Variants in MREG observed in about 807,000 individuals in gnomAD.
The protein encoded by MREG is melanoregulin, also known as dilute suppressor protein homolog.
A neutral mutation model predicts 28.5 loss-of-function variants in MREG; 31 were observed. That is an observed-to-expected ratio of 1.09 (90% CI 0.82 to 1.47). MREG has a LOEUF of 1.47. Ranked by LOEUF, MREG falls within the 40% of genes most tolerant of loss-of-function variation. The probability of loss-of-function intolerance (pLI) is 0.00; values close to 1 mark genes in which losing one functional copy is unlikely to be tolerated. For synonymous variants in MREG, 106 were observed against 95.2 expected (o/e 1.11, Z -0.66); for missense variants, 256 against 257.4 (o/e 0.99, Z 0.04).
rs1421349232 is a variant in MREG at position 215,944,194 on chromosome 2, G to C, written c.*669C>G. On this transcript the variant is annotated 3_prime_UTR_variant, in exon 5 of 5. Coordinates refer to ENST00000263268, the MANE Select transcript of MREG (RefSeq NM_018000.3). ...AGGGTTTCACCATGTTGGTCAGGCTGGTCTTGAACTCCTGACCTCATGATC... is the reference window on the plus strand; with the variant it reads ...AGGGTTTCACCATGTTGGTCAGGCTCGTCTTGAACTCCTGACCTCATGATC... 2 of 151,894 alleles carry C rather than the reference G, an allele frequency of 1.3e-5. No individual in the cohort carries two copies. The highest frequency in any genetic ancestry group is 6.6e-5 in the Admixed American group (1 of 15,256). The allele number at this position is 151,894 out of a possible 1,614,324, so 9.4% of individuals were successfully genotyped here.
At chr2:215,995,945 C>T (rs1206134038) in intron 2 of MREG, among the ~76,000 whole-genome samples, 1 of 151,602 alleles carries the variant, frequency 6.6e-6, no homozygotes, top group Non-Finnish European at 1.5e-5. Flanking sequence ...AAGTACCCTT[C>T]AAACTTCAGT....
chr2:215,979,577 C>A (rs939839835), intron 2 of MREG, among the ~76,000 whole-genome samples: 1 of 151,762 alleles, frequency 6.6e-6, no homozygotes, highest in African/African-American at 2.4e-5. Context: ...CTTTCCTTCT[C>A]CACTTTATAG....
chr2:215,975,980 C>A (rs1334807272), intron 2 of MREG, among the ~76,000 whole-genome samples: 1 of 151,880 alleles, frequency 6.6e-6, no homozygotes, highest in African/African-American at 2.4e-5. Context: ...CAGCTACTCG[C>A]GGGGGGCGTG....
intron 1 of MREG, among the ~76,000 whole-genome samples, chr2:216,011,027 C>T (rs532132130): frequency 2.8e-5 from 4 of 144,452 alleles, no homozygotes; most frequent in Admixed American, 2.2e-4. Context: ...GCCTGGGAGG[C>T]GGAGCTTGCA....
At position 215,980,865 on chromosome 2, in the gene MREG, GAGGGC is replaced by G. The variant is rs1247891694; in HGVS notation, c.255+15436_255+15440del. 4.3e-3 allele frequency among the ~76,000 whole-genome samples: 610 copies of G among 141,072 alleles called. 5 individuals are homozygous for G. Among genetic ancestry groups the G allele is most frequent in the African/African-American group, 0.014 (555 of 38,890 alleles). 92.5% of individuals were successfully genotyped at this position (141,072 alleles called of 152,430 possible). On this transcript the variant is annotated intron_variant, in intron 2 of 4. Coordinates refer to ENST00000263268, the MANE Select transcript of MREG (RefSeq NM_018000.3). The stretch of plus-strand genomic sequence containing the variant: ...GAGAGGAGGGGAGGGGAGGGGAGGG[GAGGGC>G]AGGGCAGGGCAGGGCAGGACAGGGC...
upstream of MREG, chr2:216,033,029 G>A (rs1694734480): frequency 6.6e-6 from 1 of 152,162 alleles, no homozygotes; most frequent in African/African-American, 2.4e-5. Flanking sequence ...CATAATTCAT[G>A]AGGCCATTTT....
chr2:215,944,106 G>C lies in MREG; in HGVS notation c.*757C>G, dbSNP rs1454229465. ...GCGATTCTCCTACCTCAGCCTCCTG[G>C]GTAGCTGGGATTACAAGCGCGTGCC... is the stretch of plus-strand genomic sequence containing the variant. On this transcript the variant is annotated 3_prime_UTR_variant, in exon 5 of 5. Transcript: ENST00000263268. 1 of 149,658 alleles carries C rather than the reference G, an allele frequency of 6.7e-6. No individual in the cohort carries two copies. Among genetic ancestry groups the C allele is most frequent in the African/African-American group, 2.5e-5 (1 of 40,550 alleles). 9.3% of individuals were successfully genotyped at this position (149,658 alleles called of 1,614,324 possible).
At chr2:216,029,713 G>A (rs1000764124) in intron 1 of MREG, among the ~76,000 whole-genome samples, 2 of 152,220 alleles carry the variant, frequency 1.3e-5, no homozygotes, top group Non-Finnish European at 2.9e-5. Context: ...CTCCCAGCAT[G>A]GCTGAAAATG....
chr2:215,994,190 A>G (rs1254705860), intron 2 of MREG, among the ~76,000 whole-genome samples: 1 of 152,166 alleles, frequency 6.6e-6, no homozygotes, highest in African/African-American at 2.4e-5. Flanking sequence ...AGACTGCATA[A>G]AGAAAATGTG....
chr2:216,023,112 C>T (rs1462909645), intron 1 of MREG, among the ~76,000 whole-genome samples: 4 of 152,188 alleles, frequency 2.6e-5, no homozygotes, highest in Non-Finnish European at 5.9e-5. Context: ...CCCTGCAACT[C>T]TCCCGGACAA....
In MREG at chr2:215,943,970, C is replaced by CTTTTTTTT. The variant is rs869259776; in HGVS notation, c.*885_*892dup. The CTTTTTTTT allele has an allele frequency of 3.1e-5, 2 of 65,226 alleles. No individual in the cohort carries two copies. Among genetic ancestry groups the CTTTTTTTT allele is most frequent in the African/African-American group, 1.3e-4 (2 of 15,220 alleles). The allele number at this position is 65,226 out of a possible 1,614,324, so 4.0% of individuals were successfully genotyped here. On this transcript the variant is annotated 3_prime_UTR_variant, in exon 5 of 5. Transcript: ENST00000263268. ...AAGTACAACACATGAATACATAACT[C>CTTTTTTTT]TTTTTTTTTTTTTTTTTTTTTTTTT...
rs71982102 is a variant in MREG at position 215,974,825 on chromosome 2, GACACACAC to G, written c.255+21473_255+21480del. 3.4e-3 allele frequency among the ~76,000 whole-genome samples: 428 copies of G among 126,650 alleles called. 1 individual carries two copies. The highest frequency in any genetic ancestry group is 0.03 in the Middle Eastern group (8 of 266). The allele number at this position is 126,650 out of a possible 152,430, so 83.1% of individuals were successfully genotyped here. On this transcript the variant is annotated intron_variant, in intron 2 of 4. Coordinates refer to ENST00000263268, the MANE Select transcript of MREG (RefSeq NM_018000.3). ...AAACACAGACACAGACACACACACAGACACACACACACACACACACACACACACTCTCT... is the reference window on the plus strand; with the variant it reads ...AAACACAGACACAGACACACACACAGACACACACACACACACACACTCTCT...
intron 1 of MREG, among the ~76,000 whole-genome samples, chr2:216,027,669 G>A (rs947474340): frequency 3.3e-5 from 5 of 152,124 alleles, no homozygotes; most frequent in East Asian, 1.9e-4. Flanking sequence ...TTCCAGCCTC[G>A]GTGACAGAAC....
At chr2:215,968,832 T>C (rs1208280922) in intron 2 of MREG, among the ~76,000 whole-genome samples, 1 of 152,224 alleles carries the variant, frequency 6.6e-6, no homozygotes, top group African/African-American at 2.4e-5. Context: ...CATGGCTCAC[T>C]GCAGCCTCAA....
upstream of MREG, among the ~76,000 whole-genome samples, chr2:216,015,123 G>GTGTGTGCGCGCGTGCATGTGCGCGCA (rs71047959): frequency 0.31 from 45,666 of 147,516 alleles, 7,315 homozygotes; most frequent in East Asian, 0.39. Context: ...GTGCACGCGT[G>GTGTGTGCGCGCGTGCATGTGCGCGCA]TGTGTGCGCG....
intron 1 of MREG, among the ~76,000 whole-genome samples, chr2:215,996,944 A>C (rs10191430): frequency 0.99 from 151,225 of 152,232 alleles, 75,113 homozygotes; most frequent in Middle Eastern, 1. Context: ...CCACGCCCGG[A>C]TAATTCTTTT....
chr2:216,022,951 G>A (rs544920443), intron 1 of MREG, among the ~76,000 whole-genome samples: 7 of 152,308 alleles, frequency 4.6e-5, no homozygotes, highest in South Asian at 4.1e-4. Context: ...AAAGGCGACC[G>A]GAGGCTTGCC....
chr2:215,975,714 A>G (rs924971511), intron 2 of MREG, among the ~76,000 whole-genome samples: 3 of 152,228 alleles, frequency 2.0e-5, no homozygotes, highest in African/African-American at 7.2e-5. Flanking sequence ...CAAGAAAATG[A>G]ATAAGCCTTC....
intron 2 of MREG, among the ~76,000 whole-genome samples, chr2:215,984,167 A>C (rs1693501997): frequency 6.6e-6 from 1 of 152,184 alleles, no homozygotes; most frequent in Admixed American, 6.5e-5. Context: ...CTTGTGCAGG[A>C]AAACTCCTCT....
Sources: gnomAD v4.1 joint callset for allele counts (sites outside exome capture counted in the v4.1 genomes callset) on GRCh38, gnomAD v4.1.1 for gene constraint, MANE v1.5 for transcripts, NCBI Gene and HGNC (gene_info 2026-07-23, HGNC 2026-07-21) for gene names.